The following HNF4G variants were observed in gnomAD, a reference collection of about 807,000 sequenced individuals.
HNF4G encodes hepatocyte nuclear factor 4 gamma.
In HNF4G, 21 loss-of-function variants were observed where a neutral mutation model predicts 50.9. That is an observed-to-expected ratio of 0.41 (90% CI 0.29 to 0.59). The LOEUF is 0.59. Among genes scored for constraint, HNF4G ranks in the 20% least tolerant of loss-of-function variants. The pLI is 0.26. For missense variants in HNF4G, 527 were observed against 559.4 expected (o/e 0.94, Z 0.58); for synonymous variants, 198 against 185.6 (o/e 1.07, Z -0.54).
rs967772175 is a variant in HNF4G at position 75,514,494 on chromosome 8, A to C, written c.-24+24286A>C. Among the ~76,000 whole-genome samples the C allele has an allele frequency of 3.3e-5, 5 of 151,054 alleles. No individual in the cohort carries two copies. The South Asian group carries it at 1.0e-3, about 31-fold the overall frequency. ...CAGCCTCCCAAGTAGCTGAGACTAC[A>C]GGTGTGTGCCACCACACCTGGCTAA... On this transcript the variant is annotated intron_variant, in intron 2 of 10. Transcript: ENST00000354370.
chr8:75,493,436 G>A (rs999633584), intron 2 of HNF4G, among the ~76,000 whole-genome samples: 1 of 152,078 alleles, frequency 6.6e-6, no homozygotes, highest in Non-Finnish European at 1.5e-5. Flanking sequence ...TTTGCCAAAT[G>A]TTTATACCAT....
chr8:75,439,323 T>C (rs976498606), intron 1 of HNF4G, among the ~76,000 whole-genome samples: 3 of 152,046 alleles, frequency 2.0e-5, no homozygotes, highest in Admixed American at 2.0e-4. Context: ...TTTTAATTTA[T>C]AGTTAAATGA....
At chr8:75,508,369 TAA>T (rs74275110) in intron 2 of HNF4G, among the ~76,000 whole-genome samples, 27 of 134,468 alleles carry the variant, frequency 2.0e-4, no homozygotes, top group Admixed American at 2.3e-4. Flanking sequence ...AGCATTTACT[TAA>T]AAAAAAAAAA....
At chr8:75,430,093 G>A (rs1156261299) in intron 1 of HNF4G, among the ~76,000 whole-genome samples, 1 of 151,592 alleles carries the variant, frequency 6.6e-6, no homozygotes, top group African/African-American at 2.4e-5. Flanking sequence ...AGAGATTGCA[G>A]TGAGCCGAGT....
chr8:75,476,886 G>A (rs1037456734), intron 1 of HNF4G, among the ~76,000 whole-genome samples: 1 of 152,166 alleles, frequency 6.6e-6, no homozygotes. Context: ...GAAACATCAG[G>A]AGTGAGGAGT....
Position 75,543,998 on chromosome 8 carries a change from T to C in HNF4G, c.287+19T>C. ...CTTGCAGGTACTTTAAATGCCCTTT[T>C]AGGCAAGTTATCTTTACAGATGTTT... On this transcript the variant is annotated intron_variant, in intron 2 of 9. Coordinates refer to ENST00000396423, the MANE Select transcript of HNF4G (RefSeq NM_004133.5). 3 of 1,554,386 alleles carry C rather than the reference T, an allele frequency of 1.9e-6. No homozygotes were observed. The highest frequency in any genetic ancestry group is 2.6e-6 in the Non-Finnish European group (3 of 1,147,146).
chr8:75,411,718 A>G (rs974182553), intron 1 of HNF4G, among the ~76,000 whole-genome samples: 1 of 152,232 alleles, frequency 6.6e-6, no homozygotes, highest in Non-Finnish European at 1.5e-5. Context: ...TGCGTGGTGT[A>G]TAAGTCACAA....
intron 1 of HNF4G, among the ~76,000 whole-genome samples, chr8:75,541,186 G>C (rs1209767539): frequency 6.6e-6 from 1 of 151,986 alleles, no homozygotes; most frequent in African/African-American, 2.4e-5. Context: ...TTAAGAAATG[G>C]TAGGGACATA....
intron 2 of HNF4G, among the ~76,000 whole-genome samples, chr8:75,530,834 C>T (rs918734007): frequency 1.4e-5 from 2 of 147,156 alleles, no homozygotes; most frequent in Admixed American, 1.4e-4. Flanking sequence ...ACTCTGTCAC[C>T]CAGGCTGGAG....
At chr8:75,517,688 A>C (rs952343023) in intron 2 of HNF4G, among the ~76,000 whole-genome samples, 2 of 152,164 alleles carry the variant, frequency 1.3e-5, no homozygotes, top group Non-Finnish European at 2.9e-5. Context: ...TGCAGGGTAC[A>C]GCCCCCCTCC....
At chr8:75,551,296 T>G (rs1002194948) in intron 3 of HNF4G, 92 bp from the exon 4 acceptor site, 1 of 672,760 alleles carries the variant, frequency 1.5e-6, no homozygotes, top group Non-Finnish European at 2.6e-6. Flanking sequence ...TTTTTCTCAC[T>G]TTTTTTACTT....
At position 75,468,262 on chromosome 8, in the gene HNF4G, C is replaced by A. The variant is rs368559992; in HGVS notation, c.-143-21827C>A. Among the ~76,000 whole-genome samples the A allele has an allele frequency of 6.1e-4, 93 of 152,224 alleles. 1 individual carries two copies. The South Asian group carries it at 0.019, about 31-fold the overall frequency. On this transcript the variant is annotated intron_variant, in intron 1 of 10. Coordinates refer to the HNF4G transcript ENST00000354370. ...CATTCATTTATATGCTGGTATTCCC[C>A]AGGGAGAGGTCCTTCTTTGGTCCTT...
intron 2 of HNF4G, among the ~76,000 whole-genome samples, chr8:75,494,020 A>T (rs1235533499): frequency 6.6e-6 from 1 of 152,164 alleles, no homozygotes; most frequent in African/African-American, 2.4e-5. Flanking sequence ...GCAGCATTGT[A>T]TTGCTATTTC....
chr8:75,536,449 T>C (rs1182092513), upstream of HNF4G, among the ~76,000 whole-genome samples: 2 of 151,996 alleles, frequency 1.3e-5, no homozygotes, highest in East Asian at 3.9e-4. Flanking sequence ...ATTAATATAG[T>C]TTTATTTTTA....
chr8:75,485,758 T>C (rs577541779), intron 1 of HNF4G: 1 of 152,338 alleles, frequency 6.6e-6, no homozygotes, highest in African/African-American at 2.4e-5. Flanking sequence ...TTTCCTCTTA[T>C]ACTTTTTATT....
upstream of HNF4G, among the ~76,000 whole-genome samples, chr8:75,539,347 G>A (rs1048802558): frequency 2.0e-5 from 3 of 152,132 alleles, no homozygotes; most frequent in African/African-American, 7.2e-5. Context: ...GGCCATATAA[G>A]GGTTACGCCT....
At chr8:75,490,338 T>C (rs1401465104) in intron 2 of HNF4G, 1 of 152,252 alleles carries the variant, frequency 6.6e-6, no homozygotes, top group Non-Finnish European at 1.5e-5. Flanking sequence ...TCTCAAAGTG[T>C]ACACTGACCA....
intron 1 of HNF4G, among the ~76,000 whole-genome samples, chr8:75,414,771 T>C (rs1810592868): frequency 6.6e-6 from 1 of 152,274 alleles, no homozygotes; most frequent in Non-Finnish European, 1.5e-5. Flanking sequence ...TGTATAGATA[T>C]TCTGCAATTT....
chr8:75,524,274 G>A (rs1049694687), intron 2 of HNF4G, among the ~76,000 whole-genome samples: 19 of 152,002 alleles, frequency 1.2e-4, no homozygotes, highest in Non-Finnish European at 1.3e-4. Context: ...GAATAACTAC[G>A]CAAAGTTATA....
Sources: gnomAD v4.1 joint callset for allele counts (sites outside exome capture counted in the v4.1 genomes callset) on GRCh38, gnomAD v4.1.1 for gene constraint, MANE v1.5 for transcripts, NCBI Gene and HGNC (gene_info 2026-07-23, HGNC 2026-07-21) for gene names.